The following COL26A1 variants were observed in gnomAD, a reference collection of about 807,000 sequenced individuals.
COL26A1 encodes collagen type XXVI alpha 1 chain, also known as collagen alpha-1(XXVI) chain.
In COL26A1, 41 loss-of-function variants were observed where a neutral mutation model predicts 59.3. That is an observed-to-expected ratio of 0.69 (90% CI 0.54 to 0.90). The LOEUF is 0.90. Ranked by LOEUF, COL26A1 falls within the 40% of genes least tolerant of loss-of-function variation. COL26A1 has a pLI of 0.00. For missense variants in COL26A1, 612 were observed against 602.3 expected, an observed-to-expected ratio of 1.02 and a Z score of -0.17; for synonymous variants, 266 against 256.0, an observed-to-expected ratio of 1.04 and a Z score of -0.37.
intron 1 of COL26A1, among the ~76,000 whole-genome samples, chr7:101,369,259 T>C (rs1305406521): frequency 2.0e-5 from 3 of 151,540 alleles, no homozygotes; most frequent in Admixed American, 2.0e-4. Context: ...ATACAAAAAT[T>C]AGCTGGGCAT....
chr7:101,384,953 C>T (rs1171832005), intron 1 of COL26A1, among the ~76,000 whole-genome samples: 3 of 152,022 alleles, frequency 2.0e-5, no homozygotes, highest in Non-Finnish European at 2.9e-5. Flanking sequence ...AAAAGCCTGG[C>T]GTCTGATATT....
At chr7:101,554,312 A>G (rs561521242) in intron 11 of COL26A1, among the ~76,000 whole-genome samples, 1 of 152,232 alleles carries the variant, frequency 6.6e-6, no homozygotes, top group South Asian at 2.1e-4. Flanking sequence ...AAGTCCTTGC[A>G]AGACCAGAGA....
intron 1 of COL26A1, among the ~76,000 whole-genome samples, chr7:101,392,397 CTTTTTTTTTTT>C (rs34053990): frequency 1.2e-5 from 1 of 86,630 alleles, no homozygotes; most frequent in Non-Finnish European, 2.3e-5. Context: ...AACAACCAGG[CTTTTTTTTTTT>C]TTTTTTTTTT....
At chr7:101,548,379 T>G (rs1382982978) in intron 8 of COL26A1, among the ~76,000 whole-genome samples, 1 of 152,194 alleles carries the variant, frequency 6.6e-6, no homozygotes, top group Non-Finnish European at 1.5e-5. Context: ...CTCCCTGAGC[T>G]GGGCACACAC....
Position 101,544,114 on chromosome 7 carries a change from A to T in COL26A1, c.703+18A>T, listed in dbSNP as rs751262628. 1.5e-5 allele frequency: 24 copies of T among 1,571,984 alleles called. No homozygotes were observed. Among genetic ancestry groups the T allele is most frequent in the Non-Finnish European group, 1.7e-6 (2 of 1,153,576 alleles). ...GCCGCCTGGTAAGAAAACCCCCCAC[A>T]TATGTGATGTTGTCAACCTGCGGAA... On this transcript the variant is annotated intron_variant, in intron 6 of 12. Transcript: ENST00000313669.
intron 3 of COL26A1, among the ~76,000 whole-genome samples, chr7:101,452,045 A>G (rs1793353324): frequency 6.6e-6 from 1 of 152,158 alleles, no homozygotes; most frequent in African/African-American, 2.4e-5. Flanking sequence ...ATGAGTTAAC[A>G]TCCAACTTGG....
At chr7:101,520,994 G>A (rs2130610209) in intron 3 of COL26A1, among the ~76,000 whole-genome samples, 1 of 152,320 alleles carries the variant, frequency 6.6e-6, no homozygotes, top group East Asian at 1.9e-4. Context: ...TACTACCTCA[G>A]ACTGGGTAAT....
chr7:101,382,802 T>G (rs541881359), intron 1 of COL26A1, among the ~76,000 whole-genome samples: 1 of 152,248 alleles, frequency 6.6e-6, no homozygotes, highest in Non-Finnish European at 1.5e-5. Context: ...TCCAAGCACT[T>G]TGGGAGGCTG....
At chr7:101,463,643 CA>C (rs1304523547) in intron 3 of COL26A1, among the ~76,000 whole-genome samples, 1 of 27,388 alleles carries the variant, frequency 3.7e-5, no homozygotes, top group African/African-American at 2.9e-4. Flanking sequence ...TCCTTCCTTC[CA>C]TCCTTCCATC....
chr7:101,502,601 G>A (rs925390857), intron 3 of COL26A1, among the ~76,000 whole-genome samples: 2 of 151,900 alleles, frequency 1.3e-5, no homozygotes, highest in East Asian at 1.9e-4. Context: ...GACCGGGGCC[G>A]GAGTTGGGCT....
intron 3 of COL26A1, among the ~76,000 whole-genome samples, chr7:101,522,531 A>G (rs1475116281): frequency 1.3e-5 from 2 of 152,186 alleles, no homozygotes; most frequent in Non-Finnish European, 2.9e-5. Context: ...ACTATTTCCC[A>G]TTTCCACTAA....
chr7:101,459,432 T>C (rs1005086752), intron 3 of COL26A1, among the ~76,000 whole-genome samples: 12 of 151,924 alleles, frequency 7.9e-5, no homozygotes, highest in African/African-American at 1.2e-4. Context: ...CCTGAGTAGC[T>C]GGAATTACAG....
At position 101,381,538 on chromosome 7, in the gene COL26A1, A is replaced by G. The variant is rs1314634770; in HGVS notation, c.158+18348A>G. Among the ~76,000 whole-genome samples the G allele has an allele frequency of 2.0e-5, 3 of 152,194 alleles. No homozygotes were observed. In the East Asian group the frequency reaches 5.8e-4, roughly 29 times the overall value. On this transcript the variant is annotated intron_variant, in intron 1 of 12. Transcript: ENST00000313669. ...ATGGCTCTGGAGGCTGGGAAGTCCAAAAGCCAGGGGCTGGTATCTGGCAAA... is the reference window on the plus strand; with the variant it reads ...ATGGCTCTGGAGGCTGGGAAGTCCAGAAGCCAGGGGCTGGTATCTGGCAAA...
intron 8 of COL26A1, among the ~76,000 whole-genome samples, chr7:101,547,809 A>C (rs1460354271): frequency 7.3e-6 from 1 of 137,916 alleles, no homozygotes; most frequent in Admixed American, 6.8e-5. Context: ...CCATTCATTC[A>C]TTCGTTCATT....
At chr7:101,477,941 A>C (rs1794083883) in intron 3 of COL26A1, among the ~76,000 whole-genome samples, 1 of 151,840 alleles carries the variant, frequency 6.6e-6, no homozygotes. Context: ...TGACTCTTTT[A>C]CCCTTGTCAA....
chr7:101,532,012 G>A (rs2130637513), intron 3 of COL26A1, among the ~76,000 whole-genome samples: 1 of 152,254 alleles, frequency 6.6e-6, no homozygotes, highest in East Asian at 1.9e-4. Context: ...ATGGGGATGT[G>A]CAGGGTCAGG....
At chr7:101,542,251 G>A (rs985488667) in intron 5 of COL26A1, among the ~76,000 whole-genome samples, 1 of 152,100 alleles carries the variant, frequency 6.6e-6, no homozygotes, top group Non-Finnish European at 1.5e-5. Flanking sequence ...ACAGGTGTGA[G>A]CCAGCACACG....
intron 3 of COL26A1, among the ~76,000 whole-genome samples, chr7:101,450,298 C>T (rs552790870): frequency 3.9e-5 from 6 of 151,972 alleles, no homozygotes; most frequent in Non-Finnish European, 8.8e-5. Context: ...ATATTGCCAC[C>T]CGGGGAAGCT....
intron 3 of COL26A1, among the ~76,000 whole-genome samples, chr7:101,502,512 C>G (rs952327895): frequency 2.0e-5 from 3 of 152,232 alleles, no homozygotes; most frequent in African/African-American, 7.2e-5. Flanking sequence ...TCTATACTAA[C>G]AGGTCCCAGA....
Sources: allele counts gnomAD v4.1 joint callset (sites outside exome capture counted in the v4.1 genomes callset), GRCh38; gene constraint gnomAD v4.1.1; transcripts MANE v1.5; gene names NCBI Gene and HGNC (gene_info 2026-07-23, HGNC 2026-07-21).